Variants in NRXN2 observed in about 807,000 individuals in gnomAD.
NRXN2 encodes the protein neurexin 2.
Under a neutral mutation model 128.8 loss-of-function variants are expected in NRXN2, and 29 were observed. The observed-to-expected ratio is 0.23, with a 90% CI of 0.17 to 0.31. NRXN2 has a LOEUF of 0.31. Ranked by LOEUF, NRXN2 falls within the 10% of genes least tolerant of loss-of-function variation. NRXN2 has a pLI of 1.00. For synonymous variants in NRXN2, 1,098 were observed against 1,075.2 expected (o/e 1.02, Z -0.41); for missense variants, 1,881 against 2,452.6 (o/e 0.77, Z 4.92).
At chr11:64,634,402 T>G (rs2044371779) in intron 18 of NRXN2, among the ~76,000 whole-genome samples, 1 of 150,810 alleles carries the variant, frequency 6.6e-6, no homozygotes, top group African/African-American at 2.4e-5. Flanking sequence ...TAGGGAAGGG[T>G]GTAGGGCAGA....
chr11:64,647,237 G>A (rs2046830741), intron 17 of NRXN2, among the ~76,000 whole-genome samples: 1 of 149,152 alleles, frequency 6.7e-6, no homozygotes, highest in Non-Finnish European at 1.5e-5. Context: ...GTGTGTGTGT[G>A]CATGTGTGTG....
At position 64,606,998 on chromosome 11, in the gene NRXN2, C is replaced by T. The variant is rs545502255; in HGVS notation, c.*198G>A. Reference sequence around the variant, plus strand: ...GAGGGACAGTCAGCCCCGGGACTGACGAGGCCGCGCAGTGGACGGCAGGAG... The same window carrying T: ...GAGGGACAGTCAGCCCCGGGACTGATGAGGCCGCGCAGTGGACGGCAGGAG... On this transcript the variant is annotated 3_prime_UTR_variant, in exon 23 of 23. Coordinates refer to ENST00000265459, the MANE Select transcript of NRXN2 (RefSeq NM_015080.4). 3 of 612,192 alleles carry T rather than the reference C, an allele frequency of 4.9e-6. No homozygotes were observed. The highest frequency in any genetic ancestry group is 1.9e-5 in the African/African-American group (1 of 53,972). 37.9% of individuals were successfully genotyped at this position (612,192 alleles called of 1,614,324 possible).
chr11:64,633,485 T>C (rs1236179079), intron 18 of NRXN2, among the ~76,000 whole-genome samples: 1 of 152,112 alleles, frequency 6.6e-6, no homozygotes, highest in Non-Finnish European at 1.5e-5. Flanking sequence ...AGTGGCAAAG[T>C]TGGGATTCAA....
chr11:64,688,510 G>A (rs1045753816), intron 5 of NRXN2: 13 of 985,294 alleles, frequency 1.3e-5, no homozygotes, highest in Non-Finnish European at 1.6e-5. Context: ...GCCTGTAGGG[G>A]CGGCGGAGGG....
chr11:64,621,370 G>T (rs775810835), intron 21 of NRXN2, among the ~76,000 whole-genome samples: 1 of 152,120 alleles, frequency 6.6e-6, no homozygotes, highest in Admixed American at 6.5e-5. Flanking sequence ...ATGATTTGGA[G>T]GGTATTGGGC....
intron 17 of NRXN2, among the ~76,000 whole-genome samples, chr11:64,643,674 T>C (rs563805958): frequency 6.6e-6 from 1 of 151,092 alleles, no homozygotes; most frequent in Non-Finnish European, 1.5e-5. Context: ...CGGCTCCCGA[T>C]CTGCGGGCGG....
At chr11:64,719,534 G>A (rs149083130) in intron 1 of NRXN2, among the ~76,000 whole-genome samples, 9 of 152,304 alleles carry the variant, frequency 5.9e-5, no homozygotes, top group Admixed American at 1.3e-4. Flanking sequence ...AGCATGGAGC[G>A]GGCTGGGCCC....
intron 3 of NRXN2, among the ~76,000 whole-genome samples, chr11:64,693,137 TA>T (rs1246183366): frequency 1.6e-5 from 2 of 124,178 alleles, no homozygotes; most frequent in Admixed American, 2.0e-4. Context: ...AAAGAGAGAT[TA>T]GGGGCGTCAG....
chr11:64,628,412 G>C (rs766615522), intron 19 of NRXN2, among the ~76,000 whole-genome samples: 1 of 152,186 alleles, frequency 6.6e-6, no homozygotes, highest in Non-Finnish European at 1.5e-5. Flanking sequence ...CTGATGGTCT[G>C]ACCTGCTGGT....
intron 2 of NRXN2, among the ~76,000 whole-genome samples, chr11:64,699,798 C>T (rs939364404): frequency 1.1e-4 from 17 of 152,174 alleles, no homozygotes; most frequent in African/African-American, 3.9e-4. Flanking sequence ...CTTTGGCTCT[C>T]GTGAAGACTG....
chr11:64,625,812 A>G (rs2042994092), intron 20 of NRXN2, among the ~76,000 whole-genome samples: 1 of 152,058 alleles, frequency 6.6e-6, no homozygotes, highest in South Asian at 2.1e-4. Context: ...AGAAATCCCT[A>G]TGGGCCCACC....
chr11:64,668,827 T>C (rs545910717), intron 7 of NRXN2, among the ~76,000 whole-genome samples: 1 of 152,246 alleles, frequency 6.6e-6, no homozygotes, highest in African/African-American at 2.4e-5. Flanking sequence ...AGACCTGCCC[T>C]CTGGCCCCCA....
At chr11:64,654,697 G>T (rs1409007121) in intron 11 of NRXN2, among the ~76,000 whole-genome samples, 1 of 152,200 alleles carries the variant, frequency 6.6e-6, no homozygotes, top group Non-Finnish European at 1.5e-5. Flanking sequence ...GTGGACCAGG[G>T]TCCTATGAAG....
rs991927539 is a variant in NRXN2, at chr11:64,667,611, C to T, written c.1437G>A (p.Gln479=). 93 of 1,614,102 alleles carry T rather than the reference C, an allele frequency of 5.8e-5. 1 individual carries two copies. The East Asian group carries it at 2.0e-3, about 36-fold the overall frequency. The change falls in exon 9 of 23, where the codon CAG becomes CAA. Residue 479 remains glutamine, a synonymous_variant. Coordinates refer to ENST00000265459, the MANE Select transcript of NRXN2 (RefSeq NM_015080.4). The surrounding 1 kb of genome is among the most constrained non-coding windows in gnomAD (Gnocchi z 5.6). Reference sequence around the variant, plus strand: ...CCTCACAGCGGAATGACAAGTCCCCCTGCAGCTTCATCTTGGGGTCCCCTT... The same window carrying T: ...CCTCACAGCGGAATGACAAGTCCCCTTGCAGCTTCATCTTGGGGTCCCCTT... ...AKEGDPKMKL[Q]GDLSFRCEDV...
chr11:64,642,517 C>T, intron 17 of NRXN2: 1 of 1,600,486 alleles, frequency 6.2e-7, no homozygotes, highest in South Asian at 1.1e-5. Flanking sequence ...ACCGGGTGGC[C>T]GGCATCTACA....
At chr11:64,682,585 A>G (rs1317320349) in intron 6 of NRXN2, among the ~76,000 whole-genome samples, 2 of 152,242 alleles carry the variant, frequency 1.3e-5, no homozygotes, top group Non-Finnish European at 2.9e-5. Context: ...CCTCTGCACC[A>G]ATGAGAGCAG....
chr11:64,721,163 G>A (rs897173547), intron 1 of NRXN2, among the ~76,000 whole-genome samples: 1 of 151,970 alleles, frequency 6.6e-6, no homozygotes, highest in Non-Finnish European at 1.5e-5. Context: ...GTAGGTGTGT[G>A]TCTGGGTGGG....
intron 22 of NRXN2, among the ~76,000 whole-genome samples, chr11:64,616,513 G>A (rs1232914960): frequency 6.6e-6 from 1 of 152,160 alleles, no homozygotes; most frequent in African/African-American, 2.4e-5. Flanking sequence ...TTACACAGGT[G>A]GATCTGTGCA....
chr11:64,652,086 C>T lies in NRXN2; in HGVS notation c.2485G>A (p.Val829Ile), dbSNP rs1301924777. ...AGCTGCAGGCTCTTGCCACGCCGGA[C>T]CACCCTCACCGTGTGCCACTCATTG... ...NDNEWHTVRV[V>I]RRGKSLQLSV... The change falls in exon 13 of 23, where the codon GTC (valine) becomes ATC (isoleucine). Residue 829 changes from valine (V) to isoleucine (I), a missense_variant. Physicochemically the swap from Val to Ile is conservative, Grantham distance 29. Coordinates refer to ENST00000265459, the MANE Select transcript of NRXN2 (RefSeq NM_015080.4). 1 of 1,613,492 alleles carries T rather than the reference C, an allele frequency of 6.2e-7. No individual in the cohort carries two copies. Among genetic ancestry groups the T allele is most frequent in the South Asian group, 1.1e-5 (1 of 91,084 alleles).
Sources: gnomAD v4.1 joint callset for allele counts (sites outside exome capture counted in the v4.1 genomes callset) on GRCh38, gnomAD v4.1.1 for gene constraint, Gnocchi (gnomAD v3.1) non-coding constraint, MANE v1.5 for transcripts, NCBI Gene and HGNC (gene_info 2026-07-23, HGNC 2026-07-21) for gene names.